The following ARID1B variants were observed in gnomAD, a reference collection of about 807,000 sequenced individuals.
ARID1B encodes AT-rich interaction domain 1B.
In ARID1B, 30 loss-of-function variants were observed where a neutral mutation model predicts 212.3. That is an observed-to-expected ratio of 0.14 (90% confidence interval 0.11 to 0.19). The LOEUF (loss-of-function observed/expected upper bound fraction) is 0.19, where lower values mean the gene tolerates loss of function less well. ARID1B is among the 10% of genes least tolerant of loss of function. The pLI is 1.00. For synonymous variants in ARID1B, 1,402 were observed against 1,301.7 expected (o/e 1.08, Z -1.66); for missense variants, 2,891 against 3,204.0 (o/e 0.90, Z 2.36).
chr6:157,004,841 T>C (rs17054622), intron 4 of ARID1B, among the ~76,000 whole-genome samples: 44,027 of 150,692 alleles, frequency 0.29, 6,583 homozygotes, highest in Non-Finnish European at 0.32. Context: ...CTAGTTCTTG[T>C]GTGTGTACTT....
chr6:156,981,346 A>C (rs952458150), intron 4 of ARID1B, among the ~76,000 whole-genome samples: 3 of 152,234 alleles, frequency 2.0e-5, no homozygotes. Flanking sequence ...AGAATTAAGC[A>C]TTCAGAAACA....
intron 7 of ARID1B, among the ~76,000 whole-genome samples, chr6:157,147,851 G>T (rs1198613959): frequency 1.0e-4 from 1 of 9,830 alleles, no homozygotes; most frequent in Non-Finnish European, 1.8e-4. Flanking sequence ...GGCCCTGCCC[G>T]CCAGCCCTCA....
intron 4 of ARID1B, chr6:157,072,066 G>A (rs1784035848): frequency 6.6e-6 from 1 of 152,114 alleles, no homozygotes; most frequent in Non-Finnish European, 1.5e-5. Flanking sequence ...TTTTTTCTTT[G>A]TCCAACTTGA....
intron 2 of ARID1B, among the ~76,000 whole-genome samples, chr6:156,852,908 C>G (rs1199790525): frequency 1.3e-5 from 2 of 152,212 alleles, no homozygotes; most frequent in East Asian, 3.8e-4. Context: ...ACTAAACAAA[C>G]AGGTTTGAAA....
intron 8 of ARID1B, among the ~76,000 whole-genome samples, chr6:157,159,468 G>A (rs1345669095): frequency 1.3e-5 from 2 of 152,164 alleles, no homozygotes; most frequent in South Asian, 2.1e-4. Context: ...CTGGTTACCT[G>A]CATTGAAGCA....
At chr6:156,889,627 C>T (rs1241110959) in intron 2 of ARID1B, among the ~76,000 whole-genome samples, 2 of 152,126 alleles carry the variant, frequency 1.3e-5, no homozygotes, top group Non-Finnish European at 2.9e-5. Context: ...TTTCCTTTTC[C>T]AGGTACCTCG....
In ARID1B at chr6:157,048,663, C is replaced by T. The variant is rs1782394855; in HGVS notation, c.2248-35999C>T. Among the ~76,000 whole-genome samples, 4 of 152,290 alleles carry T rather than the reference C, an allele frequency of 2.6e-5. No individual in the cohort carries two copies. The South Asian group carries it at 8.3e-4, about 32-fold the overall frequency. ...ATTGTGGTTGAAAATATTACAAGTT[C>T]TAAATAATAAGAGTAATAAATATCA... On this transcript the variant is annotated intron_variant, in intron 4 of 19. Transcript: ENST00000636930.
At chr6:156,849,423 T>C (rs912396997) in intron 2 of ARID1B, among the ~76,000 whole-genome samples, 5 of 152,212 alleles carry the variant, frequency 3.3e-5, no homozygotes, top group African/African-American at 1.2e-4. Context: ...AGAATTGTCA[T>C]TACAAATAAT....
chr6:157,124,733 A>T (rs906760771), intron 6 of ARID1B, among the ~76,000 whole-genome samples: 2 of 152,170 alleles, frequency 1.3e-5, no homozygotes, highest in East Asian at 3.8e-4. Flanking sequence ...ATGTAAACAT[A>T]TGCACATTGG....
intron 1 of ARID1B, among the ~76,000 whole-genome samples, chr6:156,827,206 A>C (rs1782800717): frequency 6.6e-6 from 1 of 151,972 alleles, no homozygotes; most frequent in Non-Finnish European, 1.5e-5. Flanking sequence ...CCTTCTGGGC[A>C]TTTTCACCTG....
At chr6:157,098,696 A>C (rs1216302186) in intron 5 of ARID1B, among the ~76,000 whole-genome samples, 2 of 152,184 alleles carry the variant, frequency 1.3e-5, no homozygotes. Context: ...AGCTTTCCTT[A>C]AAGTTCCATC....
At chr6:157,136,160 GGAA>G (rs1350017161) in intron 7 of ARID1B, among the ~76,000 whole-genome samples, 2 of 152,144 alleles carry the variant, frequency 1.3e-5, no homozygotes, top group African/African-American at 4.8e-5. Flanking sequence ...ACTTTACAGA[GGAA>G]GAAACTGAGG....
rs1297905894 is a variant in ARID1B at position 157,039,804 on chromosome 6, CTCTT to C, written c.2248-44848_2248-44845del. On this transcript the variant is annotated intron_variant, in intron 4 of 19. Transcript: ENST00000636930. ...TCCTTCCTTCCTTCCTTCTTTCTTT[CTCTT>C]TCTTTCTTTTTCTCTCTTTCTCTCT... 6.5e-4 allele frequency among the ~76,000 whole-genome samples: 80 copies of C among 123,716 alleles called. 1 individual carries two copies. The East Asian group carries it at 0.011, about 17-fold the overall frequency. 81.2% of individuals were successfully genotyped at this position (123,716 alleles called of 152,430 possible).
rs943291491 is a variant in ARID1B at position 156,804,346 on chromosome 6, C to CA, written c.1792-24870dup. On this transcript the variant is annotated intron_variant, in intron 1 of 19. Transcript: ENST00000636930. Reference sequence around the variant, plus strand: ...GCAAGACTCCGTCTCAAAAAAAAAGCAAAAAAAAAAACACCCCTCAATTTT... The same window carrying CA: ...GCAAGACTCCGTCTCAAAAAAAAAGCAAAAAAAAAAAACACCCCTCAATTTT... 4.2e-3 allele frequency among the ~76,000 whole-genome samples: 545 copies of CA among 130,440 alleles called. 4 individuals are homozygous for CA. Among genetic ancestry groups the CA allele is most frequent in the Non-Finnish European group, 3.1e-3 (184 of 60,050 alleles). The allele number at this position is 130,440 out of a possible 152,430, so 85.6% of individuals were successfully genotyped here. A position where few individuals can be genotyped will look rare whatever the true frequency, so the allele number is the denominator to read the frequency against.
At chr6:156,923,657 T>A (rs1217747659) in intron 3 of ARID1B, among the ~76,000 whole-genome samples, 1 of 152,100 alleles carries the variant, frequency 6.6e-6, no homozygotes, top group Non-Finnish European at 1.5e-5. Flanking sequence ...CTACCAACAC[T>A]GTCCTCAGCA....
At chr6:157,004,891 TTTTTTC>T (rs1356740008) in intron 4 of ARID1B, among the ~76,000 whole-genome samples, 8,034 of 39,814 alleles carry the variant, frequency 0.2, 800 homozygotes, top group Non-Finnish European at 0.23. Flanking sequence ...TTTCTTCTTC[TTTTTTC>T]TTTTTTTTTT....
intron 11 of ARID1B, among the ~76,000 whole-genome samples, chr6:157,176,675 G>A (rs796443953): frequency 2.6e-5 from 4 of 152,242 alleles, no homozygotes; most frequent in African/African-American, 9.6e-5. Context: ...GTGAAACCTT[G>A]TCTCTACTAA....
chr6:157,162,475 G>C (rs1270895282), intron 8 of ARID1B, among the ~76,000 whole-genome samples: 1 of 152,200 alleles, frequency 6.6e-6, no homozygotes, highest in African/African-American at 2.4e-5. Flanking sequence ...AAAGGAAAAA[G>C]TAAAAAAGTT....
intron 3 of ARID1B, among the ~76,000 whole-genome samples, chr6:156,920,862 T>TTTTC (rs1790724436): frequency 7.4e-6 from 1 of 135,244 alleles, no homozygotes; most frequent in Non-Finnish European, 1.6e-5. Flanking sequence ...TTTTCTTTTC[T>TTTTC]TTTTTTTTTT....
Sources: gnomAD v4.1 joint callset for allele counts (sites outside exome capture counted in the v4.1 genomes callset) on GRCh38, gnomAD v4.1.1 for gene constraint, MANE v1.5 for transcripts, NCBI Gene and HGNC (gene_info 2026-07-23, HGNC 2026-07-21) for gene names.